Variants in CD226 observed in about 807,000 individuals in gnomAD.
The protein encoded by CD226 is CD226 molecule.
In CD226, 24 loss-of-function variants were observed where a neutral mutation model predicts 34.9. That is an observed-to-expected ratio of 0.69 (90% CI 0.50 to 0.97). CD226 has a LOEUF of 0.97. Ranked by LOEUF, CD226 falls within the 50% of genes least tolerant of loss-of-function variation. The probability of loss-of-function intolerance (pLI) is 0.00; values close to 1 mark genes in which losing one functional copy is unlikely to be tolerated. For missense variants in CD226, 397 were observed against 412.7 expected (o/e 0.96, Z 0.33); for synonymous variants, 148 against 147.4 (o/e 1.00, Z -0.03).
At chr18:69,923,757 T>C (rs1383101005) in intron 2 of CD226, among the ~76,000 whole-genome samples, 2 of 151,808 alleles carry the variant, frequency 1.3e-5, no homozygotes, top group Admixed American at 6.6e-5. Flanking sequence ...ATCGAGACCA[T>C]CCCGGCTAAA....
chr18:69,950,313 T>C (rs1289074883), upstream of CD226, among the ~76,000 whole-genome samples: 4 of 152,128 alleles, frequency 2.6e-5, no homozygotes, highest in Non-Finnish European at 5.9e-5. Context: ...CAAAACAGAG[T>C]GTACGGCCAA....
chr18:69,871,229 T>C (rs1038918250), intron 4 of CD226, among the ~76,000 whole-genome samples: 3 of 152,164 alleles, frequency 2.0e-5, no homozygotes, highest in Admixed American at 6.5e-5. Flanking sequence ...ATGTTTCCCA[T>C]TGCCAAGGTG....
chr18:69,927,363 T>TACACACACACAC (rs147765877), intron 2 of CD226, among the ~76,000 whole-genome samples: 7 of 147,534 alleles, frequency 4.7e-5, no homozygotes, highest in African/African-American at 1.5e-4. Context: ...ACTAAGACAC[T>TACACACACACAC]ACACACACAC....
chr18:69,880,289 GGGAAA>G (rs1265170127), intron 3 of CD226, among the ~76,000 whole-genome samples: 2 of 141,018 alleles, frequency 1.4e-5, no homozygotes, highest in African/African-American at 5.6e-5. Flanking sequence ...GGGAAGGGAA[GGGAAA>G]GGAAGAGAAG....
intron 2 of CD226, among the ~76,000 whole-genome samples, chr18:69,941,766 T>TG (rs2055727438): frequency 6.6e-6 from 1 of 152,180 alleles, no homozygotes; most frequent in Non-Finnish European, 1.5e-5. Context: ...GTTAAGACTT[T>TG]GGGGGACTGT....
At chr18:69,925,763 C>G (rs2055513354) in intron 2 of CD226, among the ~76,000 whole-genome samples, 1 of 152,194 alleles carries the variant, frequency 6.6e-6, no homozygotes, top group Non-Finnish European at 1.5e-5. Flanking sequence ...TACCATCAAT[C>G]TGATCTCTCT....
intron 2 of CD226, among the ~76,000 whole-genome samples, chr18:69,916,769 G>A (rs1476646730): frequency 6.6e-6 from 1 of 152,154 alleles, no homozygotes; most frequent in Non-Finnish European, 1.5e-5. Context: ...CTCAATATGA[G>A]CACCCAATGG....
chr18:69,934,295 C>T (rs1376062669), intron 2 of CD226, among the ~76,000 whole-genome samples: 3 of 151,876 alleles, frequency 2.0e-5, no homozygotes, highest in South Asian at 2.1e-4. Flanking sequence ...CACACACACA[C>T]ACACACACAC....
At chr18:69,914,716 A>G (rs1190199599) in intron 2 of CD226, among the ~76,000 whole-genome samples, 2 of 152,192 alleles carry the variant, frequency 1.3e-5, no homozygotes, top group African/African-American at 2.4e-5. Flanking sequence ...AACACAAATA[A>G]CCATCAATTG....
intron 3 of CD226, among the ~76,000 whole-genome samples, chr18:69,885,212 AT>A (rs1215165831): frequency 6.6e-6 from 1 of 152,236 alleles, no homozygotes; most frequent in Non-Finnish European, 1.5e-5. Flanking sequence ...ATACCATACC[AT>A]TTAAATATAT....
At chr18:69,923,953 CAAA>C (rs558900004) in intron 2 of CD226, among the ~76,000 whole-genome samples, 2 of 74,490 alleles carry the variant, frequency 2.7e-5, no homozygotes, top group African/African-American at 4.5e-5. Context: ...GACTCCGTCT[CAAA>C]AAAAAAAAAA....
Position 69,863,571 on chromosome 18 carries a change from A to G in CD226, c.*743T>C, listed in dbSNP as rs923205929. The stretch of plus-strand genomic sequence containing the variant: ...TAGAGTGGATTCTAGAAGTATGGAC[A>G]GAGATACCCCATTTCTAGAATCCAT... On this transcript the variant is annotated 3_prime_UTR_variant, in exon 6 of 6. Transcript: ENST00000582621. 2 of 152,206 alleles carry G rather than the reference A, an allele frequency of 1.3e-5. No individual in the cohort carries two copies. Among genetic ancestry groups the G allele is most frequent in the Admixed American group, 6.5e-5 (1 of 15,282 alleles). The allele number at this position is 152,206 out of a possible 1,614,324, so 9.4% of individuals were successfully genotyped here. A position where few individuals can be genotyped will look rare whatever the true frequency, so the allele number is the denominator to read the frequency against.
chr18:69,873,214 C>A lies in CD226; in HGVS notation c.760G>T (p.Ala254Ser). 6.2e-7 allele frequency: 1 copy of A among 1,607,780 alleles called. No individual in the cohort carries two copies. The highest frequency in any genetic ancestry group is 1.1e-5 in the South Asian group (1 of 90,956). Residue 254 changes from alanine (A) to serine (S), a missense_variant, in exon 4 of 6, where the codon GCT (alanine) becomes TCT (serine). Transcript: ENST00000582621. ...KTDNQYTLFVAGGTVLLLLFV... is the reference protein window; with the variant it reads ...KTDNQYTLFVSGGTVLLLLFV... ...AACAACAATAAAACTGTCCCTCCAG[C>A]CACAAAGAGGGTATATTGGTTATCG...
intron 2 of CD226, among the ~76,000 whole-genome samples, chr18:69,902,580 G>C (rs1190499615): frequency 6.6e-6 from 1 of 150,762 alleles, no homozygotes; most frequent in East Asian, 2.0e-4. Flanking sequence ...AAAAATGTGT[G>C]TTGTGCCCCC....
chr18:69,893,436 C>T (rs986639069), intron 3 of CD226, among the ~76,000 whole-genome samples: 1 of 152,182 alleles, frequency 6.6e-6, no homozygotes, highest in African/African-American at 2.4e-5. Flanking sequence ...AAATCTGTTA[C>T]CTTCATTTTC....
chr18:69,864,150 C>A lies in CD226; in HGVS notation c.*164G>T, dbSNP rs1982983809. 1 of 616,816 alleles carries A rather than the reference C, an allele frequency of 1.6e-6. No individual in the cohort carries two copies. Among genetic ancestry groups the A allele is most frequent in the East Asian group, 2.8e-5 (1 of 35,184 alleles). The allele number at this position is 616,816 out of a possible 1,614,324, so 38.2% of individuals were successfully genotyped here. On this transcript the variant is annotated 3_prime_UTR_variant, in exon 6 of 6. Transcript: ENST00000582621. The stretch of plus-strand genomic sequence containing the variant: ...TAGAGTCAGGTTTTCTGAAACAGTT[C>A]TATGAAAAATGATTTTAGGTAATGA...
chr18:69,955,045 G>A lies in CD226; in HGVS notation c.-28+1710C>T, dbSNP rs542476753. ...ACTGGATTTCTCTACTATTAAAAAT[G>A]TCTCAGCTAACCACATGAGCATGAA... On this transcript the variant is annotated intron_variant, in intron 1 of 6. Coordinates refer to the CD226 transcript ENST00000280200. 6.2e-4 allele frequency among the ~76,000 whole-genome samples: 93 copies of A among 150,982 alleles called. 1 individual carries two copies. The highest frequency in any genetic ancestry group is 2.2e-3 in the African/African-American group (90 of 41,250).
At position 69,895,756 on chromosome 18, in the gene CD226, C is replaced by T; in HGVS notation, c.672G>A (p.Leu224=). Residue 224 remains leucine (L), a synonymous_variant, in exon 3 of 6, where the codon TTG becomes TTA. Transcript: ENST00000582621. ...TTTCGTTTTCTCCTGCGCTGGCCTGCAAGTAGCAGCGGTAAAGCCCCGAGT... is the reference window on the plus strand; with the variant it reads ...TTTCGTTTTCTCCTGCGCTGGCCTGTAAGTAGCAGCGGTAAAGCCCCGAGT... ...VSDSGLYRCY[L]QASAGENETF... 6.2e-7 allele frequency: 1 copy of T among 1,614,136 alleles called. No homozygotes were observed.
At chr18:69,895,615 T>C (rs1349661002) in intron 3 of CD226, 86 bp downstream of exon 3, 4 of 952,920 alleles carry the variant, frequency 4.2e-6, no homozygotes, top group Non-Finnish European at 6.5e-6. Context: ...TAAATGAACA[T>C]GTTTACCATA....
Sources: gnomAD v4.1 joint callset for allele counts (sites outside exome capture counted in the v4.1 genomes callset) on GRCh38, gnomAD v4.1.1 for gene constraint, MANE v1.5 for transcripts, NCBI Gene and HGNC (gene_info 2026-07-23, HGNC 2026-07-21) for gene names.